FMN1: variants seen among roughly 807,000 people sequenced by gnomAD.
FMN1 encodes the protein formin-1.
A neutral mutation model predicts 132.4 loss-of-function variants in FMN1; 110 were observed. The ratio of observed to expected loss-of-function variants is 0.83; its 90% CI spans 0.71 to 0.97. The LOEUF (loss-of-function observed/expected upper bound fraction) is 0.97. Ranked by LOEUF, FMN1 falls within the 50% of genes least tolerant of loss-of-function variation. The probability of loss-of-function intolerance (pLI) is 0.00; values close to 1 mark genes in which losing one functional copy is unlikely to be tolerated. For missense variants in FMN1, 1,792 were observed against 1,705.3 expected (o/e 1.05, Z -0.90); for synonymous variants, 722 against 651.7 (o/e 1.11, Z -1.64).
At chr15:33,045,779 T>C (rs975387307) in intron 6 of FMN1, among the ~76,000 whole-genome samples, 3 of 152,190 alleles carry the variant, frequency 2.0e-5, no homozygotes, top group African/African-American at 7.2e-5. Context: ...CAGGGATTTT[T>C]GTGTTCTAAC....
intron 6 of FMN1, among the ~76,000 whole-genome samples, chr15:33,029,076 TTAAA>T (rs35114901): frequency 0.011 from 1,719 of 152,292 alleles, 15 homozygotes; most frequent in Non-Finnish European, 0.019. Context: ...AGAAATACAC[TTAAA>T]TAATACCATA....
chr15:33,135,801 C>T (rs998754475), intron 4 of FMN1, among the ~76,000 whole-genome samples: 4 of 152,164 alleles, frequency 2.6e-5, no homozygotes, highest in Non-Finnish European at 5.9e-5. Flanking sequence ...CTGTTCTATT[C>T]TATGAACCAA....
At chr15:32,863,293 T>G (rs544845153) in intron 16 of FMN1, among the ~76,000 whole-genome samples, 1 of 151,986 alleles carries the variant, frequency 6.6e-6, no homozygotes, top group Non-Finnish European at 1.5e-5. Flanking sequence ...AAAAATTAGC[T>G]GGGCGTGGTG....
At chr15:33,001,900 A>C (rs954377857) in intron 7 of FMN1, among the ~76,000 whole-genome samples, 1 of 151,742 alleles carries the variant, frequency 6.6e-6, no homozygotes, top group Non-Finnish European at 1.5e-5. Context: ...TAAAAACCCT[A>C]AGCTCCCCCA....
intron 6 of FMN1, chr15:33,063,570 A>T (rs1213235970): frequency 6.6e-6 from 1 of 152,164 alleles, no homozygotes; most frequent in Non-Finnish European, 1.5e-5. Flanking sequence ...ACTCCATTTG[A>T]GTGCCACCTG....
chr15:32,990,685 C>T (rs2033379151), intron 7 of FMN1, among the ~76,000 whole-genome samples: 1 of 152,090 alleles, frequency 6.6e-6, no homozygotes, highest in South Asian at 2.1e-4. Flanking sequence ...AAGAACTGCC[C>T]CAGACTGGGT....
intron 3 of FMN1, among the ~76,000 whole-genome samples, chr15:33,164,538 T>C (rs573567322): frequency 1.3e-5 from 2 of 152,360 alleles, no homozygotes; most frequent in East Asian, 3.9e-4. Flanking sequence ...TACCCAGATA[T>C]GTTAACAAGG....
intron 17 of FMN1, among the ~76,000 whole-genome samples, chr15:32,819,374 T>A (rs981373923): frequency 6.6e-6 from 1 of 152,196 alleles, no homozygotes; most frequent in Non-Finnish European, 1.5e-5. Flanking sequence ...CCCTATGGAT[T>A]TATATGGGTC....
chr15:33,087,469 C>G (rs960896763), intron 5 of FMN1, among the ~76,000 whole-genome samples: 4 of 152,120 alleles, frequency 2.6e-5, no homozygotes, highest in African/African-American at 9.7e-5. Flanking sequence ...CCGCTTGAAC[C>G]CGGGAGGCAG....
chr15:32,858,161 T>C (rs72717688), intron 16 of FMN1, among the ~76,000 whole-genome samples: 2,399 of 151,994 alleles, frequency 0.016, 48 homozygotes, highest in East Asian at 0.064. Flanking sequence ...AAGAAGGAGG[T>C]TGGGAAGGAG....
intron 4 of FMN1, among the ~76,000 whole-genome samples, chr15:33,127,343 T>C (rs891885810): frequency 6.7e-6 from 1 of 148,728 alleles, no homozygotes; most frequent in African/African-American, 2.4e-5. Flanking sequence ...GGACCCTAAA[T>C]CCCTCTAAAT....
At chr15:32,913,122 T>A (rs1344278282) in intron 10 of FMN1, among the ~76,000 whole-genome samples, 1 of 152,106 alleles carries the variant, frequency 6.6e-6, no homozygotes, top group East Asian at 1.9e-4. Context: ...AGGAAACCCT[T>A]CCAGTCCTTT....
At chr15:33,059,182 G>A (rs1175061475) in intron 6 of FMN1, among the ~76,000 whole-genome samples, 2 of 152,102 alleles carry the variant, frequency 1.3e-5, no homozygotes, top group African/African-American at 4.8e-5. Context: ...CATAGCATAA[G>A]GTCCTCCTGA....
intron 6 of FMN1, among the ~76,000 whole-genome samples, chr15:33,032,375 A>G (rs565892428): frequency 9.6e-4 from 147 of 152,350 alleles, no homozygotes; most frequent in African/African-American, 1.9e-3. Context: ...ATTAGCTTAA[A>G]GGTTCAAAAA....
At chr15:32,946,502 C>G (rs747031333) in intron 9 of FMN1, among the ~76,000 whole-genome samples, 4 of 152,100 alleles carry the variant, frequency 2.6e-5, no homozygotes, top group African/African-American at 4.8e-5. Context: ...GATGTACATT[C>G]CTAATTAGTC....
In FMN1 at chr15:33,088,829, T is replaced by TGA; in HGVS notation, c.2011_2012dup (p.Asn672GlnfsTer16). 6.5e-7 allele frequency: 1 copy of TGA among 1,535,920 alleles called. No individual in the cohort carries two copies. The highest frequency in any genetic ancestry group is 2.0e-5 in the Admixed American group (1 of 50,972). ...GATCCAAGTACAATTCGCTCCTGTT[T>TGA]GACTTCTCCCTTTCCTCATGAAGCA... is the stretch of plus-strand genomic sequence containing the variant. On this transcript the variant is annotated frameshift_variant, in exon 5 of 21. Coordinates refer to ENST00000616417, the MANE Select transcript of FMN1 (RefSeq NM_001277313.2). LOFTEE classifies it high-confidence loss of function.
At chr15:32,803,900 A>G (rs867365811) in intron 18 of FMN1, among the ~76,000 whole-genome samples, 1 of 152,188 alleles carries the variant, frequency 6.6e-6, no homozygotes, top group Non-Finnish European at 1.5e-5. Context: ...AAGTCCTGCT[A>G]CAGTGCTTTC....
At chr15:32,958,146 G>C (rs1398096880) in intron 9 of FMN1, among the ~76,000 whole-genome samples, 1 of 152,106 alleles carries the variant, frequency 6.6e-6, no homozygotes. Flanking sequence ...CAAAGATTTG[G>C]CTTCCTATTG....
intron 10 of FMN1, among the ~76,000 whole-genome samples, chr15:32,921,555 A>C (rs993999799): frequency 5.9e-5 from 9 of 152,058 alleles, no homozygotes; most frequent in Admixed American, 4.6e-4. Flanking sequence ...AATAATATAA[A>C]CATTTCTTGT....
Sources: allele counts gnomAD v4.1 joint callset (sites outside exome capture counted in the v4.1 genomes callset), GRCh38; gene constraint gnomAD v4.1.1; transcripts MANE v1.5; gene names NCBI Gene and HGNC (gene_info 2026-07-23, HGNC 2026-07-21).